LIG4: variants seen among roughly 807,000 people sequenced by gnomAD.
The protein encoded by LIG4 is DNA ligase 4.
A neutral mutation model predicts 19.0 loss-of-function variants in LIG4; 13 were observed. The ratio of observed to expected loss-of-function variants is 0.68; its 90% CI spans 0.44 to 1.09. The LOEUF (loss-of-function observed/expected upper bound fraction) is 1.09. LIG4 is among the 50% of genes least tolerant of loss of function. The probability of loss-of-function intolerance (pLI) is 0.00; values close to 1 mark genes in which losing one functional copy is unlikely to be tolerated. For missense variants in LIG4, 1,026 were observed against 1,089.7 expected (o/e 0.94, Z 0.82); for synonymous variants, 361 against 358.2 (o/e 1.01, Z -0.09).
intron 2 of LIG4, among the ~76,000 whole-genome samples, chr13:108,214,192 A>G (rs750892883): frequency 1.2e-4 from 19 of 152,210 alleles, no homozygotes; most frequent in Non-Finnish European, 2.6e-4. Context: ...TAAGTGACGA[A>G]TGCAACTGAA....
chr13:108,213,590 T>C (rs1365204103), intron 2 of LIG4, among the ~76,000 whole-genome samples: 2 of 152,244 alleles, frequency 1.3e-5, no homozygotes, highest in Admixed American at 1.3e-4. Flanking sequence ...AGGACTTCCA[T>C]TCATTTTTAC....
upstream of LIG4, among the ~76,000 whole-genome samples, chr13:108,217,589 T>C (rs1331300785): frequency 6.8e-6 from 1 of 146,414 alleles, no homozygotes; most frequent in Non-Finnish European, 1.5e-5. Flanking sequence ...CCCAGCTAGG[T>C]CAGAGGCTGA....
At chr13:108,215,455 CCCCACCTG>C in intron 1 of LIG4, 21 bp downstream of exon 1, 1 of 84,336 alleles carries the variant, frequency 1.2e-5, no homozygotes, top group Non-Finnish European at 2.6e-5. Context: ...TCCCAACCGC[CCCCACCTG>C]CCACCCCACA....
At position 108,207,543 on chromosome 13, in the gene LIG4, A is replaced by G. The variant is rs1344762956; in HGVS notation, c.*990T>C. On this transcript the variant is annotated 3_prime_UTR_variant, in exon 3 of 3. Transcript: ENST00000442234. ...TAAAATTTCCAATAACTTTCAAATA[A>G]TGCACACATAGTATCGCATGGATCA... 6.6e-6 allele frequency: 1 copy of G among 152,210 alleles called. No individual in the cohort carries two copies. Among genetic ancestry groups the G allele is most frequent in the African/African-American group, 2.4e-5 (1 of 41,456 alleles). 9.4% of individuals were successfully genotyped at this position (152,210 alleles called of 1,614,324 possible). A position where few individuals can be genotyped will look rare whatever the true frequency, so the allele number is the denominator to read the frequency against.
intron 2 of LIG4, among the ~76,000 whole-genome samples, chr13:108,213,559 C>T (rs1444054824): frequency 2.6e-5 from 4 of 152,156 alleles, no homozygotes; most frequent in South Asian, 2.1e-4. Context: ...CTCATTACAA[C>T]GGCATAAAAA....
rs1479346372 is a variant in LIG4, at chr13:108,208,260, T to G, written c.*273A>C. 2 of 288,338 alleles carry G rather than the reference T, an allele frequency of 6.9e-6. No individual in the cohort carries two copies. The highest frequency in any genetic ancestry group is 1.3e-5 in the Non-Finnish European group (2 of 154,562). The allele number at this position is 288,338 out of a possible 1,614,324, so 17.9% of individuals were successfully genotyped here. Reference sequence around the variant, plus strand: ...TAAAAATTCTAGATTTCTATATGGATATTATAAAAACACCTCTTCTTTAGA... The same window carrying G: ...TAAAAATTCTAGATTTCTATATGGAGATTATAAAAACACCTCTTCTTTAGA... On this transcript the variant is annotated 3_prime_UTR_variant, in exon 3 of 3. Transcript: ENST00000442234.
Position 108,211,162 on chromosome 13 carries a change from A to AT in LIG4, c.106dup (p.Ile36AsnfsTer16), listed in dbSNP as rs1357639894. 1 of 1,613,290 alleles carries AT rather than the reference A, an allele frequency of 6.2e-7. No individual in the cohort carries two copies. The highest frequency in any genetic ancestry group is 1.3e-5 in the African/African-American group (1 of 74,870). ...ATCTAAAAATTCCCTGAAGTGTCTG[A>AT]TTTTTTCTGCACGTCCTTTACTTTT... On this transcript the variant is annotated frameshift_variant, in exon 3 of 3. Coordinates refer to ENST00000442234, the MANE Select transcript of LIG4 (RefSeq NM_206937.2). LOFTEE classifies it high-confidence loss of function.
chr13:108,212,198 AAAAG>A (rs1878737920), intron 2 of LIG4, among the ~76,000 whole-genome samples: 1 of 151,330 alleles, frequency 6.6e-6, no homozygotes, highest in Non-Finnish European at 1.5e-5. Context: ...AAAAAGAAAA[AAAAG>A]AAAAGAAAAA....
Position 108,210,167 on chromosome 13 carries a change from C to A in LIG4, c.1102G>T (p.Asp368Tyr). Reference sequence around the variant, plus strand: ...TTTTTATTATTAACCATCAATACATCAAAAACACAATAACAAGTTTGCAGA... The same window carrying A: ...TTTTTATTATTAACCATCAATACATAAAAAACACAATAACAAGTTTGCAGA... ...SDLQTCYCVF[D>Y]VLMVNNKKLG... Residue 368 changes from aspartate (D) to tyrosine (Y), a missense_variant, in exon 3 of 3, where the codon GAT (aspartate) becomes TAT (tyrosine). By Grantham distance (160) the Asp-to-Tyr change is radical. Transcript: ENST00000442234. 1 of 1,613,776 alleles carries A rather than the reference C, an allele frequency of 6.2e-7. No individual in the cohort carries two copies. Among genetic ancestry groups the A allele is most frequent in the South Asian group, 1.1e-5 (1 of 91,070 alleles).
At chr13:108,213,727 A>C (rs1232431255) in intron 2 of LIG4, among the ~76,000 whole-genome samples, 1 of 152,208 alleles carries the variant, frequency 6.6e-6, no homozygotes, top group African/African-American at 2.4e-5. Context: ...TCAAATGTGG[A>C]TGGTAACATT....
In LIG4 at chr13:108,210,271, A is replaced by G; in HGVS notation, c.998T>C (p.Met333Thr). The G allele has an allele frequency of 6.2e-7, 1 of 1,613,976 alleles. No homozygotes were observed. Among genetic ancestry groups the G allele is most frequent in the Non-Finnish European group, 8.5e-7 (1 of 1,179,912 alleles). ...AGTTTGTGTATTAGGATTATAGGCCATCATCTCACCATCAAGAATACAGAT... is the reference window on the plus strand; with the variant it reads ...AGTTTGTGTATTAGGATTATAGGCCGTCATCTCACCATCAAGAATACAGAT... ...IQICILDGEM[M>T]AYNPNTQTFM... Residue 333 changes from methionine (M) to threonine (T), a missense_variant, in exon 3 of 3, where the codon ATG (methionine) becomes ACG (threonine). Met to Thr is a moderately conservative substitution (Grantham distance 81). Around this residue, in one of 3 missense-constraint regions of LIG4, gnomAD observed 493 missense variants for 544.5 expected, o/e 0.91. Coordinates refer to ENST00000442234, the MANE Select transcript of LIG4 (RefSeq NM_206937.2).
At position 108,210,297 on chromosome 13, in the gene LIG4, T is replaced by G; in HGVS notation, c.972A>C (p.Gln324His). ...TCATCTCACCATCAAGAATACAGAT[T>G]TGTATATCTGCTTTGAATGCATTAT... ...FIHNAFKADI[Q>H]ICILDGEMMA... The change falls in exon 3 of 3, where the codon CAA becomes CAC. Residue 324 changes from glutamine (Q) to histidine (H), a missense_variant. Around this residue, in one of 3 missense-constraint regions of LIG4, gnomAD observed 493 missense variants for 544.5 expected, o/e 0.91. Coordinates refer to ENST00000442234, the MANE Select transcript of LIG4 (RefSeq NM_206937.2). The G allele has an allele frequency of 2.5e-6, 4 of 1,613,916 alleles. No homozygotes were observed. Among genetic ancestry groups the G allele is most frequent in the Non-Finnish European group, 3.4e-6 (4 of 1,179,886 alleles).
At position 108,208,318 on chromosome 13, in the gene LIG4, T is replaced by C. The variant is rs1385098216; in HGVS notation, c.*215A>G. 3 of 469,588 alleles carry C rather than the reference T, an allele frequency of 6.4e-6. No homozygotes were observed. Among genetic ancestry groups the C allele is most frequent in the East Asian group, 7.8e-5 (2 of 25,560 alleles). 29.1% of individuals were successfully genotyped at this position (469,588 alleles called of 1,614,324 possible). A position where few individuals can be genotyped will look rare whatever the true frequency, so the allele number is the denominator to read the frequency against. The stretch of plus-strand genomic sequence containing the variant: ...TTTCACCTTGATCATAAAAAATCAT[T>C]GAATACTACATTCAAGATAATTTTT... On this transcript the variant is annotated 3_prime_UTR_variant, in exon 3 of 3. Coordinates refer to ENST00000442234, the MANE Select transcript of LIG4 (RefSeq NM_206937.2).
rs1878177275 is a variant in LIG4 at position 108,208,617 on chromosome 13, T to C, written c.2652A>G (p.Arg884=). Reference sequence around the variant, plus strand: ...AACTTTCTTTTAGGATTTTAAACTTTCTCTTAAAAGTTCTTCTAAAAGCTT... The same window carrying C: ...AACTTTCTTTTAGGATTTTAAACTTCCTCTTAAAAGTTCTTCTAAAAGCTT... The part of the protein sequence containing the change: ...DFKAFRRTFK[R]KFKILKESWV... Residue 884 remains arginine (R), a synonymous_variant, in exon 3 of 3, where the codon AGA becomes AGG. Coordinates refer to ENST00000442234, the MANE Select transcript of LIG4 (RefSeq NM_206937.2). 2.5e-6 allele frequency: 4 copies of C among 1,613,302 alleles called. No individual in the cohort carries two copies. Among genetic ancestry groups the C allele is most frequent in the Non-Finnish European group, 1.7e-6 (2 of 1,179,642 alleles).
chr13:108,217,701 A>G (rs1879380587), upstream of LIG4, among the ~76,000 whole-genome samples: 1 of 151,794 alleles, frequency 6.6e-6, no homozygotes, highest in African/African-American at 2.4e-5. Context: ...CCATCTCAAA[A>G]GGAAAAAAAA....
Position 108,208,828 on chromosome 13 carries a change from C to T in LIG4, c.2441G>A (p.Arg814Gln), listed in dbSNP as rs1361975166. 8 of 1,614,028 alleles carry T rather than the reference C, an allele frequency of 5.0e-6. No homozygotes were observed. The East Asian group carries it at 1.1e-4, about 22-fold the overall frequency. ...CGAGTCCAAATAAACGGTGTGGCGT[C>T]GAAACATACTGAGAGGAGAGCAATC... ...SWDCSPLSMF[R>Q]RHTVYLDSYA... Residue 814 changes from arginine (R) to glutamine (Q), a missense_variant, in exon 3 of 3, where the codon CGA becomes CAA. Coordinates refer to ENST00000442234, the MANE Select transcript of LIG4 (RefSeq NM_206937.2).
At chr13:108,216,271 G>A (rs1036088612), upstream of LIG4, among the ~76,000 whole-genome samples, 4 of 152,188 alleles carry the variant, frequency 2.6e-5, no homozygotes, top group African/African-American at 7.2e-5. Flanking sequence ...AATTTTTGCT[G>A]TGGTCAGTCC....
rs771151401 is a variant in LIG4, at chr13:108,209,628, T to G, written c.1641A>C (p.Val547=). The G allele has an allele frequency of 1.3e-5, 21 of 1,614,200 alleles. No homozygotes were observed. In the Middle Eastern group the frequency reaches 1.3e-3, roughly 101 times the overall value. ...SILCGTEKPE[V]YIEPCNSVIV... is the part of the protein sequence containing the mutation. ...TGACAGAATTACAAGGTTCAATGTA[T>G]ACTTCTGGCTTCTCTGTTCCACATA... is the stretch of plus-strand genomic sequence containing the variant. The change falls in exon 3 of 3, where the codon GTA becomes GTC. Residue 547 remains valine (V), a synonymous_variant. Transcript: ENST00000442234.
Position 108,208,511 on chromosome 13 carries a change from T to G in LIG4, c.*22A>C, listed in dbSNP as rs1284374632. 6.7e-7 allele frequency: 1 copy of G among 1,498,264 alleles called. No individual in the cohort carries two copies. Among genetic ancestry groups the G allele is most frequent in the Admixed American group, 1.7e-5 (1 of 58,942 alleles). 92.8% of individuals were successfully genotyped at this position (1,498,264 alleles called of 1,614,324 possible). A position where few individuals can be genotyped will look rare whatever the true frequency, so the allele number is the denominator to read the frequency against. On this transcript the variant is annotated 3_prime_UTR_variant, in exon 3 of 3. Transcript: ENST00000442234. ...CAATGAGTCTGCCAGATCAGAGGCT[T>G]TCCTCACTAGGAAACCTAGCTTTAA...
Sources: allele counts gnomAD v4.1 joint callset (sites outside exome capture counted in the v4.1 genomes callset), GRCh38; gene constraint gnomAD v4.1.1; regional missense constraint gnomAD v4.1.1; transcripts MANE v1.5; gene names NCBI Gene and HGNC (gene_info 2026-07-23, HGNC 2026-07-21).